NUP214: variants seen among roughly 807,000 people sequenced by gnomAD.
The protein encoded by NUP214 is nuclear pore complex protein Nup214.
Under a neutral mutation model 196.2 loss-of-function variants are expected in NUP214, and 79 were observed. The observed-to-expected ratio is 0.40, with a 90% CI of 0.34 to 0.49. The LOEUF (loss-of-function observed/expected upper bound fraction) is 0.49, where lower values mean the gene tolerates loss of function less well. Ranked by LOEUF, NUP214 falls within the 20% of genes least tolerant of loss-of-function variation. NUP214 has a pLI of 0.58. For missense variants in NUP214, 2,468 were observed against 2,539.0 expected, an observed-to-expected ratio of 0.97 and a Z score of 0.60; for synonymous variants, 1,020 against 990.5, an observed-to-expected ratio of 1.03 and a Z score of -0.56.
chr9:131,203,341 C>T (rs992408379), intron 30 of NUP214, among the ~76,000 whole-genome samples: 11 of 152,098 alleles, frequency 7.2e-5, no homozygotes, highest in African/African-American at 2.4e-4. Flanking sequence ...ATGAGGACAC[C>T]GAAGGCCCAG....
intron 1 of NUP214, among the ~76,000 whole-genome samples, chr9:131,127,280 G>C (rs777345136): frequency 3.9e-5 from 6 of 152,292 alleles, no homozygotes; most frequent in Non-Finnish European, 7.4e-5. Flanking sequence ...CTACTTGGGA[G>C]TCTGAAGCAG....
In NUP214 at chr9:131,192,240, A is replaced by G; in HGVS notation, c.3607A>G (p.Thr1203Ala). The change falls in exon 27 of 36, where the codon ACC becomes GCC. Residue 1203 changes from threonine (T) to alanine (A), a missense_variant. Physicochemically the swap from Thr to Ala is moderately conservative, Grantham distance 58. This residue lies in a region of NUP214 where 1,801 missense variants were observed against 1,779.4 expected (regional missense o/e 1.01). Coordinates refer to ENST00000359428, the MANE Select transcript of NUP214 (RefSeq NM_005085.4). Reference sequence around the variant, plus strand: ...CAAGATAGAAACAGCTGTGACTTCAACCCCATCTGCTTCTGGGCAGTTCAG... The same window carrying G: ...CAAGATAGAAACAGCTGTGACTTCAGCCCCATCTGCTTCTGGGCAGTTCAG... The part of the protein sequence containing the change: ...TAKIETAVTS[T>A]PSASGQFSKP... The G allele has an allele frequency of 2.5e-6, 4 of 1,579,046 alleles. No individual in the cohort carries two copies. Among genetic ancestry groups the G allele is most frequent in the Admixed American group, 1.8e-5 (1 of 55,630 alleles).
intron 24 of NUP214, among the ~76,000 whole-genome samples, chr9:131,179,168 T>A (rs1408871636): frequency 3.3e-5 from 5 of 152,054 alleles, no homozygotes; most frequent in Non-Finnish European, 7.4e-5. Context: ...CCCAGCTAAT[T>A]TTTTAATTTT....
chr9:131,171,708 C>T (rs979442140), intron 21 of NUP214, among the ~76,000 whole-genome samples: 16 of 152,234 alleles, frequency 1.1e-4, no homozygotes, highest in African/African-American at 3.4e-4. Flanking sequence ...CCCTCCTCCC[C>T]GCACCCCACA....
In NUP214 at chr9:131,227,993, A is replaced by AG. The variant is rs1254553273; in HGVS notation, c.5903-160dup. On this transcript the variant is annotated intron_variant, in intron 32 of 35. Coordinates refer to ENST00000359428, the MANE Select transcript of NUP214 (RefSeq NM_005085.4). ...TTTTCTTGATAGAAGGGCGGGGGGG[A>AG]GGGGGGGTGTTGCCCTTTACTCTAG... Among the ~76,000 whole-genome samples, 16 of 22,882 alleles carry AG rather than the reference A, an allele frequency of 7.0e-4. No homozygotes were observed. The Middle Eastern group carries it at 0.079, about 113-fold the overall frequency. 15.0% of individuals were successfully genotyped at this position (22,882 alleles called of 152,430 possible). A position where few individuals can be genotyped will look rare whatever the true frequency, so the allele number is the denominator to read the frequency against.
chr9:131,209,807 C>G (rs1489684411), intron 30 of NUP214, among the ~76,000 whole-genome samples: 1 of 152,188 alleles, frequency 6.6e-6, no homozygotes, highest in South Asian at 2.1e-4. Context: ...TCCTCCCCAA[C>G]TTTGCAAAGA....
chr9:131,191,898 G>C (rs556969659), intron 26 of NUP214: 1 of 201,402 alleles, frequency 5.0e-6, no homozygotes, highest in African/African-American at 2.3e-5. Flanking sequence ...AAATATATAA[G>C]AGTGTACTTT....
chr9:131,136,185 G>A lies in NUP214; in HGVS notation c.1005+179G>A, dbSNP rs536762256. Among the ~76,000 whole-genome samples, 96 of 152,258 alleles carry A rather than the reference G, an allele frequency of 6.3e-4. 3 individuals are homozygous for A. In the South Asian group the frequency reaches 0.018, roughly 28 times the overall value. ...CTCCCAAGTAGCTGGGACTGTAGGCGCGGGCCACCACACCTGGCTGATTTT... is the reference window on the plus strand; with the variant it reads ...CTCCCAAGTAGCTGGGACTGTAGGCACGGGCCACCACACCTGGCTGATTTT... On this transcript the variant is annotated intron_variant, in intron 9 of 35. Transcript: ENST00000359428.
In NUP214 at chr9:131,230,649, A is replaced by G. The variant is rs1834848997; in HGVS notation, c.6094A>G (p.Thr2032Ala). ...GCGCAGGTTTGGGAGCAGCAGCAAC[A>G]CCACATCCTTCGGCACGCTCGCGAG... is the stretch of plus-strand genomic sequence containing the variant. ...GGFGFGSSSNTTSFGTLASQN... is the reference protein window; with the variant it reads ...GGFGFGSSSNATSFGTLASQN... Residue 2032 changes from threonine to alanine, a missense_variant, in exon 34 of 36, where the codon ACC becomes GCC. Physicochemically the swap from Thr to Ala is moderately conservative, Grantham distance 58. This residue lies in a region of NUP214 where 262 missense variants were observed against 296.5 expected (regional missense o/e 0.88). Transcript: ENST00000359428. The G allele has an allele frequency of 6.2e-7, 1 of 1,613,934 alleles. No homozygotes were observed. The highest frequency in any genetic ancestry group is 8.5e-7 in the Non-Finnish European group (1 of 1,180,002).
At chr9:131,130,915 T>G in intron 5 of NUP214, 79 bp downstream of exon 5, 1 of 1,119,100 alleles carries the variant, frequency 8.9e-7, no homozygotes, top group Non-Finnish European at 1.3e-6. Context: ...ATCTTTCTTG[T>G]TTTTCCTATT....
rs891463650 is a variant in NUP214 at position 131,202,952 on chromosome 9, AT to A, written c.5592+1246del. Reference sequence around the variant, plus strand: ...TTTATTTATATTTATTTATTTACTTATTTTTTTTTTTGAGACCGAGTGTCGC... The same window carrying A: ...TTTATTTATATTTATTTATTTACTTATTTTTTTTTTGAGACCGAGTGTCGC... On this transcript the variant is annotated intron_variant, in intron 30 of 35. Coordinates refer to ENST00000359428, the MANE Select transcript of NUP214 (RefSeq NM_005085.4). Among the ~76,000 whole-genome samples the A allele has an allele frequency of 2.9e-3, 418 of 144,764 alleles. 5 individuals carry two copies. Among genetic ancestry groups the A allele is most frequent in the African/African-American group, 8.7e-3 (346 of 39,784 alleles). The allele number at this position is 144,764 out of a possible 152,430, so 95.0% of individuals were successfully genotyped here. A position where few individuals can be genotyped will look rare whatever the true frequency, so the allele number is the denominator to read the frequency against.
rs1235726136 is a variant in NUP214 at position 131,164,773 on chromosome 9, A to G, written c.2893+629A>G. ...TGATTAAAAATACTTACTTAAAAAT[A>G]CTTGCTTAAAGAAGCCATAAATTTT... On this transcript the variant is annotated intron_variant, in intron 21 of 35. Coordinates refer to ENST00000359428, the MANE Select transcript of NUP214 (RefSeq NM_005085.4). The G allele has an allele frequency of 3.9e-5, 6 of 152,282 alleles. No individual in the cohort carries two copies. The East Asian group carries it at 1.2e-3, about 29-fold the overall frequency. 9.4% of individuals were successfully genotyped at this position (152,282 alleles called of 1,614,324 possible). A position where few individuals can be genotyped will look rare whatever the true frequency, so the allele number is the denominator to read the frequency against.
intron 30 of NUP214, among the ~76,000 whole-genome samples, chr9:131,202,511 C>T (rs1833967555): frequency 1.3e-5 from 2 of 152,182 alleles, no homozygotes; most frequent in Admixed American, 1.3e-4. Flanking sequence ...GCAACCTCCG[C>T]CTCCCAGGCT....
intron 18 of NUP214, among the ~76,000 whole-genome samples, chr9:131,161,020 C>T (rs1431371437): frequency 6.6e-6 from 1 of 152,212 alleles, no homozygotes; most frequent in Non-Finnish European, 1.5e-5. Context: ...CTGCTCTGCT[C>T]AATGGTTGTA....
intron 23 of NUP214, among the ~76,000 whole-genome samples, chr9:131,176,172 C>A (rs1017435681): frequency 5.3e-5 from 8 of 152,018 alleles, no homozygotes; most frequent in African/African-American, 1.9e-4. Context: ...CAAACACAAA[C>A]AAACAAAAAG....
chr9:131,146,176 C>T lies in NUP214; in HGVS notation c.1817C>T (p.Ala606Val), dbSNP rs150916651. The change falls in exon 13 of 36, where the codon GCA (alanine) becomes GTA (valine). Residue 606 changes from alanine (A) to valine (V), a missense_variant. Around this residue, in one of 5 missense-constraint regions of NUP214, gnomAD observed 1,801 missense variants for 1,779.4 expected, o/e 1.01. Transcript: ENST00000359428. The surrounding 1 kb of genome is among the most constrained non-coding windows in gnomAD (Gnocchi z 4.6). ...ACTCCTGTTAGTAGCTCCCAGAGCG[C>T]ACCCCCGATGTCGCCATTCTCTTCT... ...TSTPVSSSQSAPPMSPFSSAS... is the reference protein window; with the variant it reads ...TSTPVSSSQSVPPMSPFSSAS... 5 of 1,614,050 alleles carry T rather than the reference C, an allele frequency of 3.1e-6. No homozygotes were observed. In the African/African-American group the frequency reaches 6.7e-5, roughly 22 times the overall value.
chr9:131,226,661 A>T (rs1002747036), intron 32 of NUP214, among the ~76,000 whole-genome samples: 6 of 152,112 alleles, frequency 3.9e-5, no homozygotes, highest in African/African-American at 1.2e-4. Flanking sequence ...ATAACCCAAC[A>T]GTCTCCATTA....
Position 131,159,455 on chromosome 9 carries a change from G to A in NUP214, c.2509G>A (p.Asp837Asn), listed in dbSNP as rs921108493. The change falls in exon 18 of 36, where the codon GAT becomes AAT. Residue 837 changes from aspartate to asparagine, a missense_variant. Physicochemically the swap from Asp to Asn is conservative, Grantham distance 23. Around this residue, in one of 5 missense-constraint regions of NUP214, gnomAD observed 1,801 missense variants for 1,779.4 expected, o/e 1.01. Coordinates refer to ENST00000359428, the MANE Select transcript of NUP214 (RefSeq NM_005085.4). Reference sequence around the variant, plus strand: ...GAATGATGTTCTAGACTTGGAGTGGGATCAGCATCTGGAACAAAAGAAAAA... The same window carrying A: ...GAATGATGTTCTAGACTTGGAGTGGAATCAGCATCTGGAACAAAAGAAAAA... ...DVNDVLDLEW[D>N]QHLEQKKKQR... The A allele has an allele frequency of 5.0e-6, 8 of 1,613,936 alleles. No homozygotes were observed. The highest frequency in any genetic ancestry group is 5.9e-6 in the Non-Finnish European group (7 of 1,179,946).
At chr9:131,223,773 C>T (rs1361091309) in intron 32 of NUP214, among the ~76,000 whole-genome samples, 1 of 32,970 alleles carries the variant, frequency 3.0e-5, no homozygotes, top group African/African-American at 9.0e-5. Flanking sequence ...CTCGCTCTGT[C>T]GCCCAGGCTG....
Sources: gnomAD v4.1 joint callset for allele counts (sites outside exome capture counted in the v4.1 genomes callset) on GRCh38, gnomAD v4.1.1 for gene constraint, gnomAD v4.1.1 regional missense constraint, Gnocchi (gnomAD v3.1) non-coding constraint, MANE v1.5 for transcripts, NCBI Gene and HGNC (gene_info 2026-07-23, HGNC 2026-07-21) for gene names.